EIF2B3: variants seen among roughly 807,000 people sequenced by gnomAD.
The protein encoded by EIF2B3 is translation initiation factor eIF2B subunit gamma.
EIF2B3 carries 20 observed loss-of-function variants against 54.1 expected under a neutral mutation model. That is an observed-to-expected ratio of 0.37 (90% CI 0.26 to 0.54). The LOEUF is 0.54. Among genes scored for constraint, EIF2B3 ranks in the 20% least tolerant of loss-of-function variants. EIF2B3 has a pLI of 0.86. For missense variants in EIF2B3, 448 were observed against 547.8 expected, an observed-to-expected ratio of 0.82 and a Z score of 1.82; for synonymous variants, 153 against 188.1, an observed-to-expected ratio of 0.81 and a Z score of 1.52.
chr1:44,917,892 G>C (rs1643658956), intron 5 of EIF2B3, among the ~76,000 whole-genome samples: 1 of 144,058 alleles, frequency 6.9e-6, no homozygotes, highest in Non-Finnish European at 1.5e-5. Flanking sequence ...TCCTGCCTCA[G>C]CATCCTGAGT....
rs188472186 is a variant in EIF2B3, at chr1:44,871,792, C to A, written c.1202+2886G>T. Among the ~76,000 whole-genome samples the A allele has an allele frequency of 1.8e-4, 28 of 151,898 alleles. No homozygotes were observed. The East Asian group carries it at 5.4e-3, about 29-fold the overall frequency. On this transcript the variant is annotated intron_variant, in intron 10 of 11. Transcript: ENST00000360403. ...TCCAATAGGGTAGTTGGGGAAGGTTCCTCTGAAGAGGTGACATTTGAGCTA... is the reference window on the plus strand; with the variant it reads ...TCCAATAGGGTAGTTGGGGAAGGTTACTCTGAAGAGGTGACATTTGAGCTA...
chr1:44,868,961 C>T (rs1654871836), intron 10 of EIF2B3, among the ~76,000 whole-genome samples: 1 of 152,116 alleles, frequency 6.6e-6, no homozygotes, highest in Admixed American at 6.5e-5. Context: ...ACTAGCATTC[C>T]AGACTCAGTG....
In EIF2B3 at chr1:44,969,080, G is replaced by T. The variant is rs978717681; in HGVS notation, c.294+9235C>A. On this transcript the variant is annotated intron_variant, in intron 3 of 11. Transcript: ENST00000360403. The stretch of plus-strand genomic sequence containing the variant: ...ACAAATGACTGGAGACACAAGGAAT[G>T]GGGACTCGTGTGCAGTGATCATCAA... Among the ~76,000 whole-genome samples, 73 of 152,098 alleles carry T rather than the reference G, an allele frequency of 4.8e-4. 1 individual carries two copies. The highest frequency in any genetic ancestry group is 2.7e-4 in the African/African-American group (11 of 41,414).
chr1:44,972,503 G>A (rs563157877), intron 3 of EIF2B3: 1 of 152,564 alleles, frequency 6.6e-6, no homozygotes, highest in Non-Finnish European at 1.5e-5. Context: ...TCAGGAAGGT[G>A]AGGCAGGAGA....
chr1:44,960,399 G>A (rs1347619473), intron 3 of EIF2B3, among the ~76,000 whole-genome samples: 1 of 152,126 alleles, frequency 6.6e-6, no homozygotes, highest in Non-Finnish European at 1.5e-5. Flanking sequence ...CAGCACTTTG[G>A]GAGGCCGAGG....
chr1:44,924,466 C>T (rs1643813875), intron 5 of EIF2B3, among the ~76,000 whole-genome samples: 1 of 152,080 alleles, frequency 6.6e-6, no homozygotes, highest in South Asian at 2.1e-4. Context: ...AGGCTCACTG[C>T]AACCCCTGAC....
At chr1:44,911,190 T>C (rs1410709225) in intron 5 of EIF2B3, among the ~76,000 whole-genome samples, 1 of 152,210 alleles carries the variant, frequency 6.6e-6, no homozygotes, top group Non-Finnish European at 1.5e-5. Context: ...GCATCTCACT[T>C]GAGGCAGGAG....
intron 8 of EIF2B3, among the ~76,000 whole-genome samples, chr1:44,879,587 C>G (rs1253225872): frequency 3.3e-5 from 5 of 152,186 alleles, no homozygotes; most frequent in African/African-American, 7.2e-5. Flanking sequence ...TCCTGAAGAT[C>G]TTAGCCTTTC....
At chr1:44,965,407 A>G (rs1281222774) in intron 3 of EIF2B3, among the ~76,000 whole-genome samples, 1 of 152,192 alleles carries the variant, frequency 6.6e-6, no homozygotes, top group African/African-American at 2.4e-5. Flanking sequence ...AATTTTGAAA[A>G]TAGCAGACCA....
intron 8 of EIF2B3, among the ~76,000 whole-genome samples, chr1:44,878,542 C>G (rs575309946): frequency 2.0e-4 from 30 of 152,196 alleles, no homozygotes; most frequent in African/African-American, 7.0e-4. Context: ...GGATTACAGG[C>G]GTGAGCCACT....
intron 1 of EIF2B3, among the ~76,000 whole-genome samples, chr1:44,981,876 G>A (rs1216503515): frequency 6.8e-6 from 1 of 147,996 alleles, no homozygotes; most frequent in Non-Finnish European, 1.5e-5. Flanking sequence ...GGCAGGTGTT[G>A]CAGTGAGCCG....
intron 3 of EIF2B3, among the ~76,000 whole-genome samples, chr1:44,971,151 AG>A (rs1304224251): frequency 3.3e-5 from 5 of 152,286 alleles, no homozygotes; most frequent in Middle Eastern, 3.4e-3. Flanking sequence ...TGGGAGGCCG[AG>A]GCGGGCGGAT....
chr1:44,968,940 T>A (rs1371512028), intron 3 of EIF2B3, among the ~76,000 whole-genome samples: 2 of 151,622 alleles, frequency 1.3e-5, no homozygotes, highest in Non-Finnish European at 2.9e-5. Flanking sequence ...AAGGAAAACA[T>A]GTCAGTCACG....
intron 4 of EIF2B3, among the ~76,000 whole-genome samples, chr1:44,928,755 A>G (rs1474782571): frequency 6.6e-6 from 1 of 152,202 alleles, no homozygotes; most frequent in Non-Finnish European, 1.5e-5. Flanking sequence ...TAAACTTTTC[A>G]AAGGCAGGCT....
intron 5 of EIF2B3, among the ~76,000 whole-genome samples, chr1:44,899,467 A>G (rs866153170): frequency 3.3e-5 from 5 of 152,222 alleles, no homozygotes; most frequent in African/African-American, 4.8e-5. Context: ...TCTATAAAGA[A>G]CTTAAATCAA....
chr1:44,976,604 CT>C (rs1409429519), intron 3 of EIF2B3, among the ~76,000 whole-genome samples: 1 of 152,120 alleles, frequency 6.6e-6, no homozygotes, highest in African/African-American at 2.4e-5. Flanking sequence ...CAGAACAATG[CT>C]CATAATAGCT....
rs958554940 is a variant in EIF2B3, at chr1:44,958,626, T to A, written c.295-16961A>T. ...TGGCATCAAACTCTATGGCTATGCATGGGTCACTGCCTGCTCTCACATATT... is the reference window on the plus strand; with the variant it reads ...TGGCATCAAACTCTATGGCTATGCAAGGGTCACTGCCTGCTCTCACATATT... On this transcript the variant is annotated intron_variant, in intron 3 of 11. Coordinates refer to ENST00000360403, the MANE Select transcript of EIF2B3 (RefSeq NM_020365.5). The A allele has an allele frequency of 4.1e-5, 63 of 1,540,794 alleles. No individual in the cohort carries two copies. The African/African-American group carries it at 6.0e-4, about 15-fold the overall frequency.
Position 44,899,938 on chromosome 1 carries a change from C to T in EIF2B3, c.567-2494G>A, listed in dbSNP as rs191799102. Among the ~76,000 whole-genome samples, 279 of 152,258 alleles carry T rather than the reference C, an allele frequency of 1.8e-3. 1 individual carries two copies. Among genetic ancestry groups the T allele is most frequent in the African/African-American group, 6.4e-3 (265 of 41,546 alleles). ...AAAGACATGGATTCAACCTAGGTGC[C>T]CATCAACAGTGGACTGGATAAAGAA... On this transcript the variant is annotated intron_variant, in intron 5 of 11. Coordinates refer to ENST00000360403, the MANE Select transcript of EIF2B3 (RefSeq NM_020365.5).
rs573054929 is a variant in EIF2B3, at chr1:44,955,669, G to GA, written c.295-14005dup. Reference sequence around the variant, plus strand: ...ACAAGGAACTTAAACAAATTTATAAGAAAAAAAAACCCCATCAAAAAGTGG... The same window carrying GA: ...ACAAGGAACTTAAACAAATTTATAAGAAAAAAAAAACCCCATCAAAAAGTGG... On this transcript the variant is annotated intron_variant, in intron 3 of 11. Coordinates refer to ENST00000360403, the MANE Select transcript of EIF2B3 (RefSeq NM_020365.5). Among the ~76,000 whole-genome samples, 277 of 150,268 alleles carry GA rather than the reference G, an allele frequency of 1.8e-3. 1 individual carries two copies. Among genetic ancestry groups the GA allele is most frequent in the African/African-American group, 6.3e-3 (259 of 40,954 alleles).
Sources: gnomAD v4.1 joint callset for allele counts (sites outside exome capture counted in the v4.1 genomes callset) on GRCh38, gnomAD v4.1.1 for gene constraint, MANE v1.5 for transcripts, NCBI Gene and HGNC (gene_info 2026-07-23, HGNC 2026-07-21) for gene names.